Variants in ZNF536 observed in about 807,000 individuals in gnomAD.
ZNF536 encodes the protein zinc finger protein 536.
ZNF536 carries 13 observed loss-of-function variants against 84.5 expected under a neutral mutation model. The ratio of observed to expected loss-of-function variants is 0.15; its 90% CI spans 0.10 to 0.24. The LOEUF is 0.24. Ranked by LOEUF, ZNF536 falls within the 10% of genes least tolerant of loss-of-function variation. ZNF536 has a pLI of 1.00. For missense variants in ZNF536, 1,536 were observed against 1,747.5 expected, an observed-to-expected ratio of 0.88 and a Z score of 2.16; for synonymous variants, 811 against 742.5, an observed-to-expected ratio of 1.09 and a Z score of -1.50.
intron 1 of ZNF536, among the ~76,000 whole-genome samples, chr19:30,691,175 G>A (rs2051391702): frequency 6.6e-6 from 1 of 152,152 alleles, no homozygotes; most frequent in African/African-American, 2.4e-5. Flanking sequence ...CTGACCAGCT[G>A]GCTGAGCCGG....
chr19:30,608,964 G>C (rs903768836), intron 1 of ZNF536, among the ~76,000 whole-genome samples: 27 of 152,176 alleles, frequency 1.8e-4, no homozygotes, highest in Admixed American at 1.3e-4. Flanking sequence ...AGCCACGGAA[G>C]TGGAGAAGTC....
rs61746682 is a variant in ZNF536 at position 30,445,389 on chromosome 19, A to T, written c.1827A>T (p.Ser609=). Reference sequence around the variant, plus strand: ...TAGAAAGCAGTCGGGATTTTTTGTCACACGGGCTGAACCAGACTCTCGAGT... The same window carrying T: ...TAGAAAGCAGTCGGGATTTTTTGTCTCACGGGCTGAACCAGACTCTCGAGT... ...DPLESSRDFL[S]HGLNQTLEYN... is the part of the protein sequence containing the mutation. The change falls in exon 2 of 5, where the codon TCA becomes TCT. Residue 609 remains serine, a synonymous_variant. Coordinates refer to ENST00000355537, the MANE Select transcript of ZNF536 (RefSeq NM_014717.3). This position sits in a 1 kb window ranked among gnomAD's most constrained non-coding sequence, Gnocchi z 4.5. 2,937 of 1,614,148 alleles carry T rather than the reference A, an allele frequency of 1.8e-3. 33 individuals carry two copies. In the African/African-American group the frequency reaches 0.028, roughly 15 times the overall value.
chr19:30,609,140 T>G (rs1445534802), intron 1 of ZNF536, among the ~76,000 whole-genome samples: 3 of 152,212 alleles, frequency 2.0e-5, no homozygotes. Flanking sequence ...ATGTACATAG[T>G]GCAATCCCTT....
chr19:30,487,534 C>G (rs1157505631), intron 2 of ZNF536, among the ~76,000 whole-genome samples: 12 of 152,156 alleles, frequency 7.9e-5, no homozygotes, highest in Non-Finnish European at 1.8e-4. Context: ...CTCTTTCTCT[C>G]TCTCTCCCTC....
intron 2 of ZNF536, among the ~76,000 whole-genome samples, chr19:30,469,021 C>T (rs774385195): frequency 6.6e-6 from 1 of 152,062 alleles, no homozygotes; most frequent in Non-Finnish European, 1.5e-5. Flanking sequence ...ATACCCATGA[C>T]CCAGGGCCCT....
chr19:30,511,420 A>T (rs1169361832), intron 2 of ZNF536, among the ~76,000 whole-genome samples: 1 of 152,216 alleles, frequency 6.6e-6, no homozygotes, highest in African/African-American at 2.4e-5. Context: ...GGCAGAGACT[A>T]ACAGTATATT....
At chr19:30,398,511 A>G (rs947296403) in intron 1 of ZNF536, among the ~76,000 whole-genome samples, 1 of 151,768 alleles carries the variant, frequency 6.6e-6, no homozygotes, top group Non-Finnish European at 1.5e-5. Flanking sequence ...CCTGCATGAG[A>G]TATTTCTCCT....
At chr19:30,655,254 AG>A (rs1449510294) in intron 1 of ZNF536, among the ~76,000 whole-genome samples, 2 of 152,252 alleles carry the variant, frequency 1.3e-5, no homozygotes, top group Admixed American at 6.5e-5. Context: ...CAGACTGCAT[AG>A]GGGTAGCCGG....
intron 1 of ZNF536, among the ~76,000 whole-genome samples, chr19:30,564,632 C>A (rs4804935): frequency 3.3e-5 from 5 of 151,904 alleles, no homozygotes; most frequent in African/African-American, 1.2e-4. Context: ...CAGCCCCTGG[C>A]GCTCGGGCTG....
intron 2 of ZNF536, among the ~76,000 whole-genome samples, chr19:30,312,922 G>T (rs534401419): frequency 1.1e-3 from 162 of 152,352 alleles, no homozygotes; most frequent in African/African-American, 3.8e-3. Context: ...AGTAGCATTT[G>T]CTCTGGCCCT....
rs150217350 is a variant in ZNF536 at position 30,518,594 on chromosome 19, T to G, written c.2171-16253T>G. On this transcript the variant is annotated intron_variant, in intron 2 of 4. Coordinates refer to ENST00000355537, the MANE Select transcript of ZNF536 (RefSeq NM_014717.3). ...AATTAGCATCCCAGGATGATGTGCG[T>G]GTGTACGCAGCACCGCTTTGAATAT... 1.1e-4 allele frequency among the ~76,000 whole-genome samples: 16 copies of G among 152,350 alleles called. 1 individual carries two copies. The highest frequency in any genetic ancestry group is 3.6e-4 in the African/African-American group (15 of 41,582).
intron 1 of ZNF536, among the ~76,000 whole-genome samples, chr19:30,686,869 T>C (rs994155802): frequency 4.6e-5 from 7 of 152,134 alleles, no homozygotes; most frequent in South Asian, 2.1e-4. Context: ...ATAAGAGAGA[T>C]AGATGGCTTT....
intron 1 of ZNF536, among the ~76,000 whole-genome samples, chr19:30,272,592 C>G (rs2025913895): frequency 6.6e-6 from 1 of 152,244 alleles, no homozygotes; most frequent in South Asian, 2.1e-4. Context: ...CCCTGAACCT[C>G]TGGCAACCCT....
intron 1 of ZNF536, among the ~76,000 whole-genome samples, chr19:30,259,117 A>AC (rs1291391407): frequency 6.6e-6 from 1 of 151,986 alleles, no homozygotes; most frequent in Non-Finnish European, 1.5e-5. Context: ...TAGCAACTCA[A>AC]CCCCCGCTTT....
At chr19:30,527,714 A>T (rs7249405) in intron 2 of ZNF536, among the ~76,000 whole-genome samples, 7,053 of 151,554 alleles carry the variant, frequency 0.047, 463 homozygotes, top group African/African-American at 0.15. Flanking sequence ...TTAAATAATT[A>T]AAAAAAATAA....
intron 2 of ZNF536, among the ~76,000 whole-genome samples, chr19:30,495,081 A>G (rs930006677): frequency 6.6e-6 from 1 of 152,188 alleles, no homozygotes; most frequent in African/African-American, 2.4e-5. Flanking sequence ...GAGTCAGCAG[A>G]CCCAGGTCTT....
chr19:30,261,308 A>AG (rs1443030141), intron 1 of ZNF536, among the ~76,000 whole-genome samples: 6 of 150,184 alleles, frequency 4.0e-5, no homozygotes, highest in African/African-American at 1.5e-4. Flanking sequence ...AAAAAAAAAA[A>AG]AAAAAAAAAA....
At chr19:30,287,051 T>A (rs1034764106) in intron 2 of ZNF536, among the ~76,000 whole-genome samples, 10 of 152,372 alleles carry the variant, frequency 6.6e-5, no homozygotes, top group Admixed American at 2.0e-4. Context: ...TACTGGTTTC[T>A]GGTCTGTCTC....
intron 1 of ZNF536, among the ~76,000 whole-genome samples, chr19:30,240,612 C>T (rs574890063): frequency 6.6e-6 from 1 of 152,326 alleles, no homozygotes; most frequent in South Asian, 2.1e-4. Context: ...GTTCCAGAGA[C>T]AATACCTAGC....
Sources: gnomAD v4.1 joint callset for allele counts (sites outside exome capture counted in the v4.1 genomes callset) on GRCh38, gnomAD v4.1.1 for gene constraint, Gnocchi (gnomAD v3.1) non-coding constraint, MANE v1.5 for transcripts, NCBI Gene and HGNC (gene_info 2026-07-23, HGNC 2026-07-21) for gene names.